Variants in KCNJ3 observed in about 807,000 individuals in gnomAD.
KCNJ3 encodes potassium inwardly rectifying channel subfamily J member 3.
Under a neutral mutation model 39.2 loss-of-function variants are expected in KCNJ3, and 4 were observed. That is an observed-to-expected ratio of 0.10 (90% CI 0.05 to 0.23). The LOEUF is 0.23. Among genes scored for constraint, KCNJ3 ranks in the 10% least tolerant of loss-of-function variants. The pLI, the probability that KCNJ3 is intolerant of heterozygous loss-of-function variation, is 1.00. For synonymous variants in KCNJ3, 230 were observed against 237.4 expected (o/e 0.97, Z 0.29); for missense variants, 276 against 634.9 (o/e 0.43, Z 6.08).
intron 2 of KCNJ3, among the ~76,000 whole-genome samples, chr2:154,754,511 G>T (rs555714939): frequency 6.6e-6 from 1 of 152,296 alleles, no homozygotes; most frequent in Non-Finnish European, 1.5e-5. Flanking sequence ...CCGACCTCCG[G>T]CAATCCACCC....
intron 1 of KCNJ3, 37 bp from the exon 2 acceptor site, chr2:154,709,566 G>A (rs1327905911): frequency 4.4e-6 from 7 of 1,597,944 alleles, no homozygotes; most frequent in African/African-American, 4.0e-5. Context: ...TTCAGTACAA[G>A]TGGTGATTTC....
chr2:154,739,387 T>G (rs1007867358), intron 2 of KCNJ3, among the ~76,000 whole-genome samples: 1 of 152,038 alleles, frequency 6.6e-6, no homozygotes, highest in South Asian at 2.1e-4. Flanking sequence ...CAGTCTCTAT[T>G]TAAGATTCTT....
At chr2:154,715,902 C>A (rs1379686874) in intron 2 of KCNJ3, among the ~76,000 whole-genome samples, 4 of 152,024 alleles carry the variant, frequency 2.6e-5, no homozygotes, top group African/African-American at 4.8e-5. Context: ...AGGTTAAATA[C>A]TATTATAGGC....
At chr2:154,770,792 G>A (rs1434678324) in intron 2 of KCNJ3, among the ~76,000 whole-genome samples, 3 of 151,680 alleles carry the variant, frequency 2.0e-5, no homozygotes, top group Admixed American at 6.6e-5. Flanking sequence ...TTTTGAAGGT[G>A]CAAAAAGAAT....
chr2:154,785,355 C>T (rs374544003), intron 2 of KCNJ3, among the ~76,000 whole-genome samples: 1 of 152,170 alleles, frequency 6.6e-6, no homozygotes, highest in African/African-American at 2.4e-5. Flanking sequence ...TGGCCATCTT[C>T]TTGCCTTGTC....
intron 2 of KCNJ3, among the ~76,000 whole-genome samples, chr2:154,722,371 G>A (rs1685276315): frequency 6.6e-6 from 1 of 152,162 alleles, no homozygotes; most frequent in Admixed American, 6.5e-5. Context: ...ACTAGGGGAT[G>A]GATGAGATCA....
At chr2:154,767,186 C>T (rs1015845825) in intron 2 of KCNJ3, among the ~76,000 whole-genome samples, 1 of 148,778 alleles carries the variant, frequency 6.7e-6, no homozygotes, top group African/African-American at 2.5e-5. Flanking sequence ...CATTCTTTAC[C>T]TTTTTTTTTA....
chr2:154,822,299 C>A (rs1687198014), intron 2 of KCNJ3, among the ~76,000 whole-genome samples: 1 of 152,126 alleles, frequency 6.6e-6, no homozygotes, highest in South Asian at 2.1e-4. Context: ...ATCTACAGTA[C>A]TAAAATTCAT....
rs1684836645 is a variant in KCNJ3, at chr2:154,698,895, G to C, written c.120G>C (p.Lys40Asn). 1 of 1,614,204 alleles carries C rather than the reference G, an allele frequency of 6.2e-7. No individual in the cohort carries two copies. Among genetic ancestry groups the C allele is most frequent in the Non-Finnish European group, 8.5e-7 (1 of 1,180,052 alleles). Reference protein sequence around the residue: ...GQDPQQQLVPKKKRQRFVDKN... With the variant: ...GQDPQQQLVPNKKRQRFVDKN... ...ACCCTCAGCAGCAGCTTGTGCCCAA[G>C]AAGAAGCGGCAGCGGTTCGTGGACA... Residue 40 changes from lysine (K) to asparagine (N), a missense_variant, in exon 1 of 3, where the codon AAG (lysine) becomes AAC (asparagine). Lys to Asn is a moderately conservative substitution (Grantham distance 94, BLOSUM62 0). Transcript: ENST00000295101.
intron 2 of KCNJ3, among the ~76,000 whole-genome samples, chr2:154,740,035 G>A (rs1019993536): frequency 6.6e-6 from 1 of 151,952 alleles, no homozygotes; most frequent in Non-Finnish European, 1.5e-5. Flanking sequence ...ATTTGCCTTA[G>A]AGTAAAATGA....
chr2:154,761,189 C>CT (rs566783068), intron 2 of KCNJ3, among the ~76,000 whole-genome samples: 40 of 147,548 alleles, frequency 2.7e-4, no homozygotes, highest in East Asian at 8.0e-4. Flanking sequence ...TTAACTTCAT[C>CT]TTTTTTTTTG....
intron 2 of KCNJ3, among the ~76,000 whole-genome samples, chr2:154,779,005 ATG>A (rs945112488): frequency 5.9e-5 from 9 of 152,130 alleles, no homozygotes; most frequent in African/African-American, 2.2e-4. Context: ...AGGATTAAAT[ATG>A]TGTAAATTTC....
rs1687810636 is a variant in KCNJ3 at position 154,854,797 on chromosome 2, A to T, written c.990A>T (p.Val330=). Residue 330 remains valine (V), a synonymous_variant, in exon 3 of 3, where the codon GTA becomes GTT. Coordinates refer to ENST00000295101, the MANE Select transcript of KCNJ3 (RefSeq NM_002239.4). ...EVLWGHRFFP[V]ISLEEGFFKV... ...TTTGGGGTCATCGTTTTTTTCCTGT[A>T]ATTTCCTTAGAAGAGGGATTCTTTA... 5.6e-6 allele frequency: 9 copies of T among 1,613,868 alleles called. No homozygotes were observed. The highest frequency in any genetic ancestry group is 7.6e-6 in the Non-Finnish European group (9 of 1,179,888).
At chr2:154,799,760 C>A (rs1043670183) in intron 2 of KCNJ3, among the ~76,000 whole-genome samples, 2 of 152,134 alleles carry the variant, frequency 1.3e-5, no homozygotes, top group Non-Finnish European at 2.9e-5. Context: ...CTAGGTAATT[C>A]ACCCCTTAAT....
chr2:154,751,232 A>T (rs1319106325), intron 2 of KCNJ3, among the ~76,000 whole-genome samples: 2 of 151,980 alleles, frequency 1.3e-5, no homozygotes, highest in Admixed American at 1.3e-4. Flanking sequence ...TAGCTTATTG[A>T]CTTTTGGCCT....
intron 2 of KCNJ3, among the ~76,000 whole-genome samples, chr2:154,851,263 C>T (rs1373642569): frequency 6.6e-6 from 1 of 152,126 alleles, no homozygotes; most frequent in East Asian, 1.9e-4. Flanking sequence ...ATTGTTATCT[C>T]ATAGCCAGTG....
chr2:154,834,602 G>T (rs1053962425), intron 2 of KCNJ3, among the ~76,000 whole-genome samples: 1 of 151,846 alleles, frequency 6.6e-6, no homozygotes, highest in African/African-American at 2.4e-5. Flanking sequence ...GGTGGCGGGC[G>T]CCTGTAATCC....
intron 2 of KCNJ3, among the ~76,000 whole-genome samples, chr2:154,816,973 G>A (rs1687092672): frequency 6.6e-6 from 1 of 151,982 alleles, no homozygotes; most frequent in African/African-American, 2.4e-5. Context: ...AATAGTTTAT[G>A]ACTTTATTTT....
Position 154,737,757 on chromosome 2 carries a change from A to G in KCNJ3, c.919+27938A>G, listed in dbSNP as rs563241026. Among the ~76,000 whole-genome samples, 7 of 152,322 alleles carry G rather than the reference A, an allele frequency of 4.6e-5. No homozygotes were observed. The South Asian group carries it at 1.5e-3, about 32-fold the overall frequency. ...AGACATGGTAATGGAGACTATTCAA[A>G]ATGAAACACAGAATTTTTTTTCTTA... is the stretch of plus-strand genomic sequence containing the variant. On this transcript the variant is annotated intron_variant, in intron 2 of 2. Coordinates refer to ENST00000295101, the MANE Select transcript of KCNJ3 (RefSeq NM_002239.4).
Sources: gnomAD v4.1 joint callset for allele counts (sites outside exome capture counted in the v4.1 genomes callset) on GRCh38, gnomAD v4.1.1 for gene constraint, MANE v1.5 for transcripts, NCBI Gene and HGNC (gene_info 2026-07-23, HGNC 2026-07-21) for gene names.